Variants in COL14A1 observed in about 807,000 individuals in gnomAD.
The protein encoded by COL14A1 is collagen type XIV alpha 1 chain.
In COL14A1, 136 loss-of-function variants were observed where a neutral mutation model predicts 230.3. The observed-to-expected ratio is 0.59, with a 90% CI of 0.51 to 0.68. COL14A1 has a LOEUF of 0.68. Ranked by LOEUF, COL14A1 falls within the 30% of genes least tolerant of loss-of-function variation. The pLI is 0.00. For missense variants in COL14A1, 1,976 were observed against 2,215.8 expected (o/e 0.89, Z 2.17); for synonymous variants, 792 against 784.1 (o/e 1.01, Z -0.17).
At chr8:120,194,257 T>G (rs1379978308) in intron 5 of COL14A1, among the ~76,000 whole-genome samples, 3 of 152,232 alleles carry the variant, frequency 2.0e-5, no homozygotes, top group Non-Finnish European at 2.9e-5. Flanking sequence ...TTTTAAGGTT[T>G]TTGGTGCTTA....
chr8:120,129,568 T>C (rs766823578), intron 1 of COL14A1, among the ~76,000 whole-genome samples: 4 of 152,236 alleles, frequency 2.6e-5, no homozygotes, highest in Non-Finnish European at 5.9e-5. Flanking sequence ...TAATTTTCAG[T>C]CAAATTCCTT....
intron 1 of COL14A1, among the ~76,000 whole-genome samples, chr8:120,138,686 G>A (rs896147506): frequency 6.6e-6 from 1 of 152,256 alleles, no homozygotes. Flanking sequence ...TACTTTTTAA[G>A]TAGATCTCGT....
chr8:120,248,972 C>T (rs1166033395), intron 21 of COL14A1, among the ~76,000 whole-genome samples: 1 of 128,304 alleles, frequency 7.8e-6, no homozygotes, highest in Non-Finnish European at 1.6e-5. Context: ...GTCACCCAGG[C>T]TGGAGTACAG....
intron 42 of COL14A1, among the ~76,000 whole-genome samples, chr8:120,336,084 C>G (rs978442800): frequency 2.0e-5 from 3 of 152,102 alleles, no homozygotes; most frequent in Non-Finnish European, 2.9e-5. Context: ...TGTAAGATTA[C>G]ATGGTGGGGA....
At chr8:120,171,078 C>A (rs1816079554) in intron 5 of COL14A1, among the ~76,000 whole-genome samples, 1 of 152,016 alleles carries the variant, frequency 6.6e-6, no homozygotes, top group South Asian at 2.1e-4. Flanking sequence ...TTACACCTTA[C>A]TTAAAATTGA....
At chr8:120,321,485 G>GA (rs540087540) in intron 40 of COL14A1, among the ~76,000 whole-genome samples, 36 of 149,100 alleles carry the variant, frequency 2.4e-4, no homozygotes, top group East Asian at 1.4e-3. Context: ...CTAAAAATAC[G>GA]AAAAAAAAAT....
chr8:120,321,484 C>T (rs959405932), intron 40 of COL14A1, among the ~76,000 whole-genome samples: 3 of 150,784 alleles, frequency 2.0e-5, no homozygotes, highest in African/African-American at 2.4e-5. Flanking sequence ...ACTAAAAATA[C>T]GAAAAAAAAA....
chr8:120,248,917 CT>C (rs71571673), intron 21 of COL14A1, among the ~76,000 whole-genome samples: 127 of 84,200 alleles, frequency 1.5e-3, no homozygotes, highest in East Asian at 3.6e-3. Context: ...TTCAATCTTT[CT>C]TTTTTTTTTT....
At chr8:120,177,540 T>C (rs1211313386) in intron 5 of COL14A1, among the ~76,000 whole-genome samples, 1 of 150,672 alleles carries the variant, frequency 6.6e-6, no homozygotes, top group Non-Finnish European at 1.5e-5. Context: ...TCTCAGCTAC[T>C]CTGGAGGCTG....
intron 1 of COL14A1, among the ~76,000 whole-genome samples, chr8:120,138,851 A>T (rs1414324455): frequency 6.6e-6 from 1 of 152,150 alleles, no homozygotes; most frequent in African/African-American, 2.4e-5. Flanking sequence ...TTGTTTTTTA[A>T]TTTACAAAAA....
intron 5 of COL14A1, among the ~76,000 whole-genome samples, chr8:120,180,270 G>T (rs560776927): frequency 6.6e-6 from 1 of 152,134 alleles, no homozygotes; most frequent in Non-Finnish European, 1.5e-5. Context: ...ATAAAATTTG[G>T]AATTCCCACC....
At chr8:120,129,088 C>T (rs771463688) in intron 1 of COL14A1, among the ~76,000 whole-genome samples, 2 of 152,146 alleles carry the variant, frequency 1.3e-5, no homozygotes, top group African/African-American at 4.8e-5. Flanking sequence ...ACTTCCCAGC[C>T]CTGTCTCCTG....
intron 5 of COL14A1, among the ~76,000 whole-genome samples, chr8:120,192,004 G>T (rs966760052): frequency 2.6e-5 from 4 of 151,140 alleles, no homozygotes; most frequent in African/African-American, 4.9e-5. Context: ...TATCCAATTT[G>T]CCAGTCTGTG....
chr8:120,335,281 A>G (rs1002741208), intron 42 of COL14A1, among the ~76,000 whole-genome samples: 30 of 152,192 alleles, frequency 2.0e-4, no homozygotes, highest in Non-Finnish European at 2.9e-4. Context: ...AAATTTTCCC[A>G]CAAATAAAAC....
chr8:120,315,897 G>A (rs766617412), intron 39 of COL14A1, 47 bp from the exon 40 acceptor site: 2 of 1,596,278 alleles, frequency 1.3e-6, no homozygotes, highest in Non-Finnish European at 1.7e-6. Flanking sequence ...GTGAGCAGAT[G>A]ACTCATTCCT....
At chr8:120,265,141 A>C (rs1234730854) in intron 24 of COL14A1, among the ~76,000 whole-genome samples, 3 of 152,104 alleles carry the variant, frequency 2.0e-5, no homozygotes, top group African/African-American at 4.8e-5. Context: ...GAATATAAAC[A>C]TGTGTCCCCA....
chr8:120,369,319 G>A lies in COL14A1; in HGVS notation c.5156-11G>A. On this transcript the variant is annotated splice_polypyrimidine_tract_variant and intron_variant, in intron 46 of 47. Transcript: ENST00000297848. ...AAAGACCAACGGTTTTCATCTGTGG[G>A]TACTTCTTAGGACCTTCAGGGGAGA... 1.3e-6 allele frequency: 2 copies of A among 1,509,148 alleles called. No homozygotes were observed. The allele number at this position is 1,509,148 out of a possible 1,614,324, so 93.5% of individuals were successfully genotyped here.
intron 15 of COL14A1, 61 bp from the exon 16 acceptor site, chr8:120,226,566 T>C: frequency 6.3e-7 from 1 of 1,585,070 alleles, no homozygotes; most frequent in Non-Finnish European, 8.6e-7. Flanking sequence ...TGGGAGATAC[T>C]TGGGTTTTGG....
At chr8:120,269,799 T>G (rs1819604466) in intron 25 of COL14A1, among the ~76,000 whole-genome samples, 1 of 151,694 alleles carries the variant, frequency 6.6e-6, no homozygotes, top group Non-Finnish European at 1.5e-5. Flanking sequence ...CTTTCTCTAT[T>G]TCCACACGGA....
Sources: allele counts gnomAD v4.1 joint callset (sites outside exome capture counted in the v4.1 genomes callset), GRCh38; gene constraint gnomAD v4.1.1; transcripts MANE v1.5; gene names NCBI Gene and HGNC (gene_info 2026-07-23, HGNC 2026-07-21).